Variants in RIC3 observed in about 807,000 individuals in gnomAD.
The protein encoded by RIC3 is RIC3 acetylcholine receptor chaperone, also known as protein RIC-3.
Under a neutral mutation model 27.3 loss-of-function variants are expected in RIC3, and 28 were observed. The ratio of observed to expected loss-of-function variants is 1.02; its 90% CI spans 0.76 to 1.41. The LOEUF is 1.41. Ranked by LOEUF, RIC3 falls within the 40% of genes most tolerant of loss-of-function variation. The pLI, the probability that RIC3 is intolerant of heterozygous loss-of-function variation, is 0.00. For synonymous variants in RIC3, 184 were observed against 160.4 expected (o/e 1.15, Z -1.11); for missense variants, 501 against 444.7 (o/e 1.13, Z -1.14).
intron 4 of RIC3, among the ~76,000 whole-genome samples, chr11:8,132,518 T>C (rs60058260): frequency 0.048 from 7,265 of 152,254 alleles, 263 homozygotes; most frequent in African/African-American, 0.1. Flanking sequence ...CTGTGCTTAA[T>C]ATCAGACAGA....
chr11:8,095,563 A>G, the RIC3 span: 1 of 1,613,274 alleles, frequency 6.2e-7, no homozygotes, highest in Non-Finnish European at 8.5e-7. Context: ...GCAGATTCTG[A>G]CTGTGGGCCA....
At chr11:8,099,614 G>A in the RIC3 span, among the ~76,000 whole-genome samples, 1 of 152,158 alleles carries the variant, frequency 6.6e-6, no homozygotes, top group Non-Finnish European at 1.5e-5. Flanking sequence ...ATACCTTTAT[G>A]GGACTTAAAG....
At chr11:8,134,914 T>A (rs1183839266) in intron 4 of RIC3, among the ~76,000 whole-genome samples, 1 of 152,240 alleles carries the variant, frequency 6.6e-6, no homozygotes, top group African/African-American at 2.4e-5. Flanking sequence ...ATGAGTAGAT[T>A]GCAACAATTT....
At chr11:8,168,456 C>G (rs1408607716) in intron 1 of RIC3, among the ~76,000 whole-genome samples, 1 of 152,172 alleles carries the variant, frequency 6.6e-6, no homozygotes, top group Non-Finnish European at 1.5e-5. Flanking sequence ...GCCTTGATTT[C>G]GTACCAAGCG....
intron 1 of RIC3, among the ~76,000 whole-genome samples, chr11:8,149,711 A>G (rs1407722854): frequency 1.3e-5 from 2 of 152,212 alleles, no homozygotes; most frequent in Non-Finnish European, 2.9e-5. Flanking sequence ...CGGGACCCCA[A>G]AGTAACCTTG....
At chr11:8,168,794 A>T (rs1198405548) in intron 1 of RIC3, 72 bp downstream of exon 1, 3 of 1,543,638 alleles carry the variant, frequency 1.9e-6, no homozygotes, top group Non-Finnish European at 2.6e-6. Flanking sequence ...TCTCAGAGTC[A>T]CCCCTCCCTC....
the RIC3 span, chr11:8,097,600 C>A: frequency 7.8e-7 from 1 of 1,289,548 alleles, no homozygotes; most frequent in Non-Finnish European, 1.1e-6. Flanking sequence ...TGTGTGTGTG[C>A]ACATATGTGC....
rs755949573 is a variant in RIC3, at chr11:8,138,370, C to T, written c.352-23G>A. On this transcript the variant is annotated intron_variant, in intron 2 of 5. Transcript: ENST00000309737. ...GAGCTGAGAATTGAAGGAGGTATAG[C>T]ACATCAACAGCAGCTCAGAACCTCA... The T allele has an allele frequency of 5.3e-6, 8 of 1,515,336 alleles. No individual in the cohort carries two copies. The South Asian group carries it at 9.0e-5, about 17-fold the overall frequency. The allele number at this position is 1,515,336 out of a possible 1,614,324, so 93.9% of individuals were successfully genotyped here.
At chr11:8,100,507 C>T in the RIC3 span, 1 of 1,614,042 alleles carries the variant, frequency 6.2e-7, no homozygotes, top group Non-Finnish European at 8.5e-7. Context: ...TCCCAGGAGA[C>T]AAACGTCTTA....
chr11:8,118,494 A>G lies in RIC3; in HGVS notation c.671-7357T>C, dbSNP rs1293667781. 2.0e-5 allele frequency among the ~76,000 whole-genome samples: 3 copies of G among 150,588 alleles called. No individual in the cohort carries two copies. The East Asian group carries it at 5.8e-4, about 29-fold the overall frequency. The stretch of plus-strand genomic sequence containing the variant: ...TTTAAAAAGGTAGCAAACAAGAAAT[A>G]AAAAGGAGCTATTGAATAGAAAGCC... On this transcript the variant is annotated intron_variant, in intron 5 of 5. Coordinates refer to ENST00000309737, the MANE Select transcript of RIC3 (RefSeq NM_001206671.4).
At chr11:8,096,561 G>A in the RIC3 span, 2 of 720,414 alleles carry the variant, frequency 2.8e-6, no homozygotes, top group South Asian at 3.1e-5. Context: ...GGCTAAGAGT[G>A]TGTGCATAAG....
Position 8,162,995 on chromosome 11 carries a change from T to A in RIC3, c.124+5871A>T, listed in dbSNP as rs576627919. Among the ~76,000 whole-genome samples, 4 of 148,434 alleles carry A rather than the reference T, an allele frequency of 2.7e-5. No individual in the cohort carries two copies. In the South Asian group the frequency reaches 8.6e-4, roughly 32 times the overall value. ...AGTATTTCTTCTACCTAGAATGCCCTTCTTTTTCATCTGGATTATTTAAAC... is the reference window on the plus strand; with the variant it reads ...AGTATTTCTTCTACCTAGAATGCCCATCTTTTTCATCTGGATTATTTAAAC... On this transcript the variant is annotated intron_variant, in intron 1 of 5. Transcript: ENST00000309737.
chr11:8,100,488 C>T, the RIC3 span: 102 of 1,609,866 alleles, frequency 6.3e-5, no homozygotes, highest in African/African-American at 3.1e-4. Flanking sequence ...GCCAGTGTTG[C>T]GTTCTCTTTC....
intron 4 of RIC3, among the ~76,000 whole-genome samples, chr11:8,128,793 C>T (rs894513178): frequency 1.6e-5 from 2 of 125,774 alleles, no homozygotes; most frequent in South Asian, 2.6e-4. Flanking sequence ...GTCTCGCTGT[C>T]GCCCAGGCTG....
intron 1 of RIC3, among the ~76,000 whole-genome samples, chr11:8,140,751 T>C (rs1343258269): frequency 1.3e-5 from 2 of 152,176 alleles, no homozygotes; most frequent in South Asian, 2.1e-4. Flanking sequence ...AGGGTCATTA[T>C]ACACTGTGGA....
the RIC3 span, chr11:8,100,706 G>T: frequency 6.5e-7 from 1 of 1,532,060 alleles, no homozygotes; most frequent in Non-Finnish European, 9.0e-7. Flanking sequence ...GGGGTACCAT[G>T]TGAGAAAGCC....
intron 1 of RIC3, among the ~76,000 whole-genome samples, chr11:8,144,892 A>T (rs1333522425): frequency 6.6e-6 from 1 of 151,504 alleles, no homozygotes; most frequent in Non-Finnish European, 1.5e-5. Flanking sequence ...GACATGGATG[A>T]AATTGGAAAT....
In RIC3 at chr11:8,168,857, T is replaced by C. The variant is rs531790506; in HGVS notation, c.124+9A>G. 2.8e-5 allele frequency: 45 copies of C among 1,611,016 alleles called. No individual in the cohort carries two copies. In the South Asian group the frequency reaches 4.4e-4, roughly 16 times the overall value. On this transcript the variant is annotated intron_variant, in intron 1 of 5. Coordinates refer to ENST00000309737, the MANE Select transcript of RIC3 (RefSeq NM_001206671.4). ...CCGGGAAGCTCAGAGGGAGCTGGCC[T>C]GCTCTTACCTTCAGGTGTCGGCGGC...
At position 8,138,351 on chromosome 11, in the gene RIC3, A is replaced by G. The variant is rs1565049357; in HGVS notation, c.352-4T>C. On this transcript the variant is annotated splice_region_variant and splice_polypyrimidine_tract_variant and intron_variant, in intron 2 of 5. Coordinates refer to ENST00000309737, the MANE Select transcript of RIC3 (RefSeq NM_001206671.4). ...CAGTTGTTTTCCCCTTTGAGAGCTGAGAATTGAAGGAGGTATAGCACATCA... is the reference window on the plus strand; with the variant it reads ...CAGTTGTTTTCCCCTTTGAGAGCTGGGAATTGAAGGAGGTATAGCACATCA... 6.2e-7 allele frequency: 1 copy of G among 1,602,000 alleles called. No homozygotes were observed. Among genetic ancestry groups the G allele is most frequent in the Admixed American group, 1.7e-5 (1 of 59,974 alleles).
Sources: allele counts gnomAD v4.1 joint callset (sites outside exome capture counted in the v4.1 genomes callset), GRCh38; gene constraint gnomAD v4.1.1; transcripts MANE v1.5; gene names NCBI Gene and HGNC (gene_info 2026-07-23, HGNC 2026-07-21).